The following DPM1 variants were observed in gnomAD, a reference collection of about 807,000 sequenced individuals.
The protein encoded by DPM1 is dolichyl-phosphate mannosyltransferase subunit 1, catalytic.
DPM1 carries 27 observed loss-of-function variants against 39.0 expected under a neutral mutation model. The ratio of observed to expected loss-of-function variants is 0.69; its 90% CI spans 0.51 to 0.95. The LOEUF (loss-of-function observed/expected upper bound fraction) is 0.95, where lower values mean the gene tolerates loss of function less well. Ranked by LOEUF, DPM1 falls within the 40% of genes least tolerant of loss-of-function variation. DPM1 has a pLI of 0.00. For synonymous variants in DPM1, 124 were observed against 109.0 expected (o/e 1.14, Z -0.86); for missense variants, 307 against 315.6 (o/e 0.97, Z 0.21).
At chr20:50,949,139 A>C (rs991724017) in intron 2 of DPM1, among the ~76,000 whole-genome samples, 2 of 152,194 alleles carry the variant, frequency 1.3e-5, no homozygotes, top group African/African-American at 4.8e-5. Flanking sequence ...GATTACAGGC[A>C]TGAGTCACCG....
intron 1 of DPM1, among the ~76,000 whole-genome samples, chr20:50,956,541 A>G (rs935442522): frequency 3.9e-5 from 6 of 151,986 alleles, no homozygotes; most frequent in Admixed American, 1.3e-4. Flanking sequence ...GAAAAAAAAA[A>G]AAAAGAAAAA....
chr20:50,953,531 T>A lies in DPM1; in HGVS notation c.261+1655A>T, dbSNP rs186450560. ...TTTTTTTTAAAAGTCATTTTCTAGT[T>A]TAACTTATTTAAATGTCATAAAATA... On this transcript the variant is annotated intron_variant, in intron 2 of 8. Coordinates refer to ENST00000371588, the MANE Select transcript of DPM1 (RefSeq NM_003859.3). Among the ~76,000 whole-genome samples the A allele has an allele frequency of 1.9e-4, 29 of 152,360 alleles. No individual in the cohort carries two copies. In the East Asian group the frequency reaches 5.6e-3, roughly 29 times the overall value.
At position 50,955,247 on chromosome 20, in the gene DPM1, C is replaced by T. The variant is rs780447695; in HGVS notation, c.200G>A (p.Ser67Asn). The change falls in exon 2 of 9, where the codon AGC (serine) becomes AAC (asparagine). Residue 67 changes from serine (S) to asparagine (N), a missense_variant. Around this residue, in one of 3 missense-constraint regions of DPM1, gnomAD observed 206 missense variants for 188.2 expected, o/e 1.09. Transcript: ENST00000371588. ...NYEIIIIDDG[S>N]PDGTRDVAEQ... ...AGCAACATCCCTTGTTCCATCTGGG[C>T]TTCCATCATCTATGATTATAATTTC... 4.3e-6 allele frequency: 7 copies of T among 1,612,984 alleles called. No homozygotes were observed.
At chr20:50,937,325 C>CT (rs1160062849) in intron 7 of DPM1, among the ~76,000 whole-genome samples, 2 of 152,204 alleles carry the variant, frequency 1.3e-5, no homozygotes, top group Non-Finnish European at 2.9e-5. Context: ...GTGTGCAATC[C>CT]TTTATCCACA....
chr20:50,951,071 C>T (rs1381717526), intron 2 of DPM1, among the ~76,000 whole-genome samples: 1 of 151,988 alleles, frequency 6.6e-6, no homozygotes, highest in African/African-American at 2.4e-5. Context: ...TTAACAATAC[C>T]CAATAATAAA....
rs1390526919 is a variant in DPM1 at position 50,955,205 on chromosome 20, ATCT to A, written c.239_241del (p.Lys80del). 1.2e-6 allele frequency: 2 copies of A among 1,612,620 alleles called. No homozygotes were observed. Among genetic ancestry groups the A allele is most frequent in the South Asian group, 1.1e-5 (1 of 91,060 alleles). On this transcript the variant is annotated inframe_deletion, in exon 2 of 9. Coordinates refer to ENST00000371588, the MANE Select transcript of DPM1 (RefSeq NM_003859.3). Reference sequence around the variant, plus strand: ...ACTTACAATTCTGTCTGACCCATAGATCTTCTCCAACTGTTCAGCAACATCCCT... The same window carrying A: ...ACTTACAATTCTGTCTGACCCATAGATCTCCAACTGTTCAGCAACATCCCT...
chr20:50,948,865 C>T (rs1445574116), intron 2 of DPM1, among the ~76,000 whole-genome samples: 1 of 151,318 alleles, frequency 6.6e-6, no homozygotes, highest in Non-Finnish European at 1.5e-5. Flanking sequence ...ACGTAGCTAA[C>T]ATTTTTTTTT....
At chr20:50,937,307 A>G (rs1326891288) in intron 7 of DPM1, among the ~76,000 whole-genome samples, 1 of 152,146 alleles carries the variant, frequency 6.6e-6, no homozygotes, top group African/African-American at 2.4e-5. Flanking sequence ...AAAACCTGAC[A>G]GCTTAGTGTG....
intron 6 of DPM1, among the ~76,000 whole-genome samples, chr20:50,941,756 G>A (rs1316173862): frequency 3.9e-5 from 6 of 152,034 alleles, no homozygotes; most frequent in South Asian, 2.1e-4. Flanking sequence ...TATAGAACAG[G>A]TCACATAAAT....
intron 1 of DPM1, among the ~76,000 whole-genome samples, chr20:50,957,253 C>T (rs180953409): frequency 6.6e-6 from 1 of 152,348 alleles, no homozygotes; most frequent in Admixed American, 6.5e-5. Context: ...GTCTAATGCT[C>T]AGGCGGGCTG....
intron 8 of DPM1, among the ~76,000 whole-genome samples, chr20:50,935,442 A>G (rs1421899342): frequency 6.6e-6 from 1 of 152,224 alleles, no homozygotes; most frequent in African/African-American, 2.4e-5. Context: ...GATAGGTCAC[A>G]TGAAACAAAT....
intron 3 of DPM1, among the ~76,000 whole-genome samples, chr20:50,946,354 G>T (rs1986284801): frequency 6.6e-6 from 1 of 152,104 alleles, no homozygotes; most frequent in Non-Finnish European, 1.5e-5. Context: ...AAATCTCAAA[G>T]ATAACATTGC....
intron 2 of DPM1, among the ~76,000 whole-genome samples, chr20:50,950,928 T>TA (rs1285022568): frequency 6.6e-6 from 1 of 152,080 alleles, no homozygotes; most frequent in Non-Finnish European, 1.5e-5. Context: ...CACACCCCCT[T>TA]AACCCCAAGT....
intron 3 of DPM1, 69 bp from the exon 4 acceptor site, chr20:50,945,992 G>A: frequency 7.3e-7 from 1 of 1,377,874 alleles, no homozygotes; most frequent in East Asian, 2.3e-5. Context: ...GAACATCAAG[G>A]AAATTGTTTA....
chr20:50,936,626 T>C (rs977700200), intron 7 of DPM1, among the ~76,000 whole-genome samples: 14 of 152,242 alleles, frequency 9.2e-5, no homozygotes, highest in Admixed American at 1.3e-4. Flanking sequence ...GTTCCAAATA[T>C]TGAACAACAG....
rs774440510 is a variant in DPM1 at position 50,955,186 on chromosome 20, A to T, written c.261T>A (p.Ile87=). 21 of 1,607,850 alleles carry T rather than the reference A, an allele frequency of 1.3e-5. No homozygotes were observed. In the Admixed American group the frequency reaches 3.3e-4, roughly 26 times the overall value. ...ACAGAAAAATGTTCTTATAACTTAC[A>T]ATTCTGTCTGACCCATAGATCTTCT... ...QLEKIYGSDR[I]LLRPREKKLG... Residue 87 remains isoleucine, a splice_region_variant and synonymous_variant, in exon 2 of 9, where the codon ATT becomes ATA. Transcript: ENST00000371588.
Position 50,935,086 on chromosome 20 carries a change from C to T in DPM1, c.*46G>A. The T allele has an allele frequency of 8.9e-7, 1 of 1,122,594 alleles. No individual in the cohort carries two copies. Among genetic ancestry groups the T allele is most frequent in the Non-Finnish European group, 1.4e-6 (1 of 737,404 alleles). The allele number at this position is 1,122,594 out of a possible 1,614,324, so 69.5% of individuals were successfully genotyped here. A position where few individuals can be genotyped will look rare whatever the true frequency, so the allele number is the denominator to read the frequency against. On this transcript the variant is annotated 3_prime_UTR_variant, in exon 9 of 9. Transcript: ENST00000371588. ...TACAAATCAGTAACCAGGCTTCTTT[C>T]ATGTTTAACCTGAAATGAACGTAAC...
chr20:50,939,193 T>C (rs1321785823), intron 7 of DPM1, among the ~76,000 whole-genome samples: 2 of 152,048 alleles, frequency 1.3e-5, no homozygotes, highest in Non-Finnish European at 2.9e-5. Flanking sequence ...CTGCTGTGTT[T>C]TTCTTCACAG....
chr20:50,940,718 C>T, intron 7 of DPM1, 147 bp downstream of exon 7: 1 of 708,870 alleles, frequency 1.4e-6, no homozygotes, highest in Non-Finnish European at 2.5e-6. Context: ...GTTTAGGCTT[C>T]ATTAGCAACT....
Sources: allele counts gnomAD v4.1 joint callset (sites outside exome capture counted in the v4.1 genomes callset), GRCh38; gene constraint gnomAD v4.1.1; regional missense constraint gnomAD v4.1.1; transcripts MANE v1.5; gene names NCBI Gene and HGNC (gene_info 2026-07-23, HGNC 2026-07-21).